CHM: variants seen among roughly 807,000 people sequenced by gnomAD.
CHM encodes the protein rab proteins geranylgeranyltransferase component A 1.
In CHM, 10 loss-of-function variants were observed where a neutral mutation model predicts 49.0. The ratio of observed to expected loss-of-function variants is 0.20; its 90% CI spans 0.13 to 0.35. The LOEUF (loss-of-function observed/expected upper bound fraction) is 0.35. Among genes scored for constraint, CHM ranks in the 10% least tolerant of loss-of-function variants. The pLI, the probability that CHM is intolerant of heterozygous loss-of-function variation, is 1.00. For synonymous variants in CHM, 184 were observed against 167.5 expected (o/e 1.10, Z -0.76); for missense variants, 455 against 478.4 (o/e 0.95, Z 0.46).
At chrX:86,022,398 G>A (rs1933643807) in intron 2 of CHM, among the ~76,000 whole-genome samples, 1 of 111,211 alleles carries the variant, frequency 9.0e-6, no homozygotes, top group African/African-American at 3.3e-5. Flanking sequence ...TTACATAAAT[G>A]TTCCTTTCCT....
At chrX:85,914,999 T>G (rs1228757675) in intron 8 of CHM, among the ~76,000 whole-genome samples, 1 of 109,432 alleles carries the variant, frequency 9.1e-6, no homozygotes, top group Non-Finnish European at 1.9e-5. Flanking sequence ...TAAACCCAAC[T>G]TATACCACAA....
intron 2 of CHM, among the ~76,000 whole-genome samples, chrX:85,982,764 T>C (rs1376041843): frequency 8.9e-6 from 1 of 111,817 alleles, no homozygotes; most frequent in Non-Finnish European, 1.9e-5. Flanking sequence ...TTTGCTTCTC[T>C]GTTTCTCTAA....
At chrX:85,873,344 T>A in intron 13 of CHM, 132 bp from the exon 14 acceptor site, 1 of 469,917 alleles carries the variant, frequency 2.1e-6, no homozygotes. Flanking sequence ...TGTAAACATT[T>A]AGTAAATTTG....
chrX:86,008,353 C>T (rs977658299), intron 2 of CHM, among the ~76,000 whole-genome samples: 43 of 110,380 alleles, frequency 3.9e-4, no homozygotes, highest in African/African-American at 1.4e-3. Context: ...ACATGTATAC[C>T]CTATGTATCA....
chrX:85,884,610 C>T (rs1924975026), intron 12 of CHM, among the ~76,000 whole-genome samples: 1 of 111,275 alleles, frequency 9.0e-6, no homozygotes, highest in Admixed American at 9.6e-5. Flanking sequence ...TTCATATATA[C>T]TATTCCCATA....
chrX:85,882,003 T>C (rs926297057), intron 12 of CHM, among the ~76,000 whole-genome samples: 35 of 111,763 alleles, frequency 3.1e-4, no homozygotes, highest in African/African-American at 1.1e-3. Flanking sequence ...GTATCAAATA[T>C]CCCTGATACT....
chrX:85,947,844 G>A (rs770668066), intron 8 of CHM, among the ~76,000 whole-genome samples: 21 of 111,998 alleles, frequency 1.9e-4, no homozygotes, highest in African/African-American at 6.2e-4. Context: ...TGGTAAAAAC[G>A]TGTTTGGTGG....
intron 8 of CHM, among the ~76,000 whole-genome samples, chrX:85,924,705 T>C (rs1927984760): frequency 1.8e-5 from 2 of 112,014 alleles, no homozygotes; most frequent in African/African-American, 6.5e-5. Flanking sequence ...CTGCTGCTAA[T>C]TCAAGAAATT....
At chrX:85,976,075 A>G (rs373109583) in intron 4 of CHM, among the ~76,000 whole-genome samples, 26 of 111,972 alleles carry the variant, frequency 2.3e-4, no homozygotes, top group African/African-American at 8.4e-4. Flanking sequence ...TTTAATACTC[A>G]TCTTTCTAAA....
chrX:85,899,690 C>T (rs1422276942), intron 11 of CHM, among the ~76,000 whole-genome samples: 1 of 74,469 alleles, frequency 1.3e-5, no homozygotes, highest in Non-Finnish European at 2.4e-5. Flanking sequence ...ACCCCCCGCC[C>T]CAAAAAAACC....
chrX:85,911,188 AAT>A (rs3058934), intron 9 of CHM, 71 bp downstream of exon 9: 9 of 47,980 alleles, frequency 1.9e-4, no homozygotes, highest in African/African-American at 3.5e-4. Flanking sequence ...TATATATATG[AAT>A]ATATATATAT....
In CHM at chrX:85,861,448, C is replaced by T. The variant is rs1292516634; in HGVS notation, c.*3182G>A. Reference sequence around the variant, plus strand: ...ACAAAGGCTACCAAGGCTGACAATCCAGGTAACTATGGCAGTGACAGAAGT... The same window carrying T: ...ACAAAGGCTACCAAGGCTGACAATCTAGGTAACTATGGCAGTGACAGAAGT... On this transcript the variant is annotated 3_prime_UTR_variant, in exon 15 of 15. Coordinates refer to ENST00000357749, the MANE Select transcript of CHM (RefSeq NM_000390.4). 9.0e-6 allele frequency: 1 copy of T among 111,147 alleles called. No homozygotes were observed. The highest frequency in any genetic ancestry group is 9.6e-5 in the Admixed American group (1 of 10,411). 9.2% of individuals were successfully genotyped at this position (111,147 alleles called of 1,213,427 possible). A position where few individuals can be genotyped will look rare whatever the true frequency, so the allele number is the denominator to read the frequency against.
intron 8 of CHM, among the ~76,000 whole-genome samples, chrX:85,913,335 AGAAAGAAAGAAAGAAAGAAAGAAAG>A (rs1223494292): frequency 0.027 from 1,672 of 62,829 alleles, 205 homozygotes; most frequent in Middle Eastern, 0.052. Context: ...AAAAAAAAAA[AGAAAGAAAGAAAGAAAGAAAGAAAG>A]AAAGAAAGAA....
chrX:85,999,589 T>TA lies in CHM; in HGVS notation c.117-17781dup, dbSNP rs199503967. Among the ~76,000 whole-genome samples, 535 of 112,189 alleles carry TA rather than the reference T, an allele frequency of 4.8e-3. 1 individual carries two copies. Among genetic ancestry groups the TA allele is most frequent in the Non-Finnish European group, 6.0e-3 (317 of 53,160 alleles). ...TTCAAGTATAAACTTCTGTGCTTAC[T>TA]ACACCTCCATTTAACAACTTCGAGT... On this transcript the variant is annotated intron_variant, in intron 2 of 14. Coordinates refer to ENST00000357749, the MANE Select transcript of CHM (RefSeq NM_000390.4).
intron 1 of CHM, among the ~76,000 whole-genome samples, chrX:86,042,121 T>C (rs868374159): frequency 3.6e-5 from 4 of 111,173 alleles, no homozygotes; most frequent in Middle Eastern, 4.7e-3. Context: ...AACATCATCA[T>C]AAGTCAATGA....
At chrX:85,981,206 C>CTATATATATATATATATATATATA (rs1284378299) in intron 3 of CHM, among the ~76,000 whole-genome samples, 896 of 54,149 alleles carry the variant, frequency 0.017, 42 homozygotes, top group African/African-American at 0.053. Flanking sequence ...ATTTCTATTT[C>CTATATATATATATATATATATATA]TATATATATA....
At chrX:85,950,890 C>T (rs73506435) in intron 8 of CHM, among the ~76,000 whole-genome samples, 3,654 of 111,210 alleles carry the variant, frequency 0.033, 160 homozygotes, top group African/African-American at 0.11. Context: ...AAAAAGATAT[C>T]TTTGTAACTT....
intron 8 of CHM, among the ~76,000 whole-genome samples, chrX:85,928,071 G>C (rs912432846): frequency 8.9e-6 from 1 of 111,778 alleles, no homozygotes; most frequent in Non-Finnish European, 1.9e-5. Context: ...CATCCAACTA[G>C]TTTTCTTTAA....
intron 2 of CHM, among the ~76,000 whole-genome samples, chrX:86,020,645 C>T (rs1164394596): frequency 2.9e-5 from 3 of 104,414 alleles, no homozygotes; most frequent in African/African-American, 6.9e-5. Context: ...TATATATCTC[C>T]GATATATATG....
Sources: gnomAD v4.1 joint callset for allele counts (sites outside exome capture counted in the v4.1 genomes callset) on GRCh38, gnomAD v4.1.1 for gene constraint, MANE v1.5 for transcripts, NCBI Gene and HGNC (gene_info 2026-07-23, HGNC 2026-07-21) for gene names.